The following LINGO2 variants were observed in gnomAD, a reference collection of about 807,000 sequenced individuals.
LINGO2 encodes the protein leucine rich repeat and Ig domain containing 2, also known as leucine-rich repeat and immunoglobulin-like domain-containing nogo receptor-interacting protein 2.
Under a neutral mutation model 30.6 loss-of-function variants are expected in LINGO2, and 14 were observed. The observed-to-expected ratio is 0.46, with a 90% CI of 0.30 to 0.72. The LOEUF (loss-of-function observed/expected upper bound fraction) is 0.72, where lower values mean the gene tolerates loss of function less well. Ranked by LOEUF, LINGO2 falls within the 30% of genes least tolerant of loss-of-function variation. The probability of loss-of-function intolerance (pLI) is 0.07; values close to 1 mark genes in which losing one functional copy is unlikely to be tolerated. For synonymous variants in LINGO2, 317 were observed against 288.5 expected (o/e 1.10, Z -1.00); for missense variants, 729 against 751.7 (o/e 0.97, Z 0.35).
At chr9:28,524,395 A>G (rs1203577691) in intron 1 of LINGO2, among the ~76,000 whole-genome samples, 1 of 152,212 alleles carries the variant, frequency 6.6e-6, no homozygotes, top group African/African-American at 2.4e-5. Context: ...ACACATAATA[A>G]AAGAGATTAG....
chr9:28,146,914 G>A (rs1827830887), intron 4 of LINGO2, among the ~76,000 whole-genome samples: 1 of 152,110 alleles, frequency 6.6e-6, no homozygotes, highest in African/African-American at 2.4e-5. Context: ...ATAATCCACT[G>A]GCAAATTTCT....
chr9:28,455,299 A>G (rs1824804007), intron 2 of LINGO2, among the ~76,000 whole-genome samples: 1 of 152,062 alleles, frequency 6.6e-6, no homozygotes, highest in Non-Finnish European at 1.5e-5. Context: ...ATTAAAATAG[A>G]TATATCTTTG....
the LINGO2 span, among the ~76,000 whole-genome samples, chr9:29,184,436 C>G: frequency 6.6e-6 from 1 of 151,772 alleles, no homozygotes; most frequent in Non-Finnish European, 1.5e-5. Context: ...ACATTAAATT[C>G]ATGTTCTATA....
intron 5 of LINGO2, among the ~76,000 whole-genome samples, chr9:27,985,071 T>A (rs573056297): frequency 6.6e-6 from 1 of 151,986 alleles, no homozygotes; most frequent in East Asian, 1.9e-4. Flanking sequence ...GTTTAACAGT[T>A]TAGGTGTGAT....
chr9:29,116,787 G>T, the LINGO2 span, among the ~76,000 whole-genome samples: 8 of 151,990 alleles, frequency 5.3e-5, no homozygotes. Flanking sequence ...TTCATTTGCA[G>T]CACATCGTTA....
intron 4 of LINGO2, among the ~76,000 whole-genome samples, chr9:28,047,926 A>T (rs1201739938): frequency 1.3e-5 from 2 of 150,920 alleles, no homozygotes; most frequent in African/African-American, 4.9e-5. Context: ...TGCAACTTCA[A>T]AGTAGCAATG....
chr9:28,638,935 C>T (rs1352611397), intron 1 of LINGO2, among the ~76,000 whole-genome samples: 1 of 152,006 alleles, frequency 6.6e-6, no homozygotes, highest in Non-Finnish European at 1.5e-5. Flanking sequence ...TAGCTCTTTC[C>T]TGCTTTCTCT....
chr9:28,328,733 A>T (rs1825316972), intron 3 of LINGO2, among the ~76,000 whole-genome samples: 1 of 152,172 alleles, frequency 6.6e-6, no homozygotes, highest in South Asian at 2.1e-4. Flanking sequence ...ATGTACATAA[A>T]AATATGTATA....
Position 27,965,555 on chromosome 9 carries a change from C to T in LINGO2, c.-35-14849G>A, listed in dbSNP as rs553696106. ...AACATGAATTCATCTTGTATTCCAG[C>T]GACTAGTGAACAATTAGCAAAGCTT... is the stretch of plus-strand genomic sequence containing the variant. On this transcript the variant is annotated intron_variant, in intron 5 of 5. Coordinates refer to ENST00000379992, the Ensembl canonical transcript of LINGO2. Among the ~76,000 whole-genome samples, 147 of 152,116 alleles carry T rather than the reference C, an allele frequency of 9.7e-4. 1 individual carries two copies. In the South Asian group the frequency reaches 0.029, roughly 30 times the overall value.
At chr9:29,064,363 C>T in the LINGO2 span, among the ~76,000 whole-genome samples, 1 of 151,888 alleles carries the variant, frequency 6.6e-6, no homozygotes. Flanking sequence ...AATATCAACA[C>T]TATTTGTTAT....
chr9:28,614,109 T>G (rs1826035897), intron 1 of LINGO2, among the ~76,000 whole-genome samples: 1 of 152,138 alleles, frequency 6.6e-6, no homozygotes, highest in African/African-American at 2.4e-5. Context: ...TGATCATTAT[T>G]TCAAATTTGG....
In LINGO2 at chr9:28,415,839, TA is replaced by T. The variant is rs1396551731; in HGVS notation, c.-278-42972del. ...ATAGTGGCTGGCACATAGTAAGTGC[TA>T]AAAAAAGTTACATAAATGCATGGAT... On this transcript the variant is annotated intron_variant, in intron 2 of 5. Coordinates refer to ENST00000379992, the Ensembl canonical transcript of LINGO2. Among the ~76,000 whole-genome samples, 6 of 152,272 alleles carry T rather than the reference TA, an allele frequency of 3.9e-5. No individual in the cohort carries two copies. The South Asian group carries it at 1.0e-3, about 26-fold the overall frequency.
At chr9:28,561,078 A>G (rs1823030600) in intron 1 of LINGO2, among the ~76,000 whole-genome samples, 1 of 152,100 alleles carries the variant, frequency 6.6e-6, no homozygotes, top group Non-Finnish European at 1.5e-5. Flanking sequence ...TGTTGAAATT[A>G]AAGTGGCAAG....
the LINGO2 span, among the ~76,000 whole-genome samples, chr9:28,861,466 G>T: frequency 1.4e-5 from 2 of 146,800 alleles, no homozygotes; most frequent in Non-Finnish European, 3.0e-5. Context: ...CAGAAATTAG[G>T]GAAGCTTGAT....
At chr9:28,692,987 T>G in the LINGO2 span, among the ~76,000 whole-genome samples, 1 of 152,126 alleles carries the variant, frequency 6.6e-6, no homozygotes, top group Non-Finnish European at 1.5e-5. Flanking sequence ...TAATAATTAT[T>G]TTTTGATGAC....
intron 4 of LINGO2, among the ~76,000 whole-genome samples, chr9:28,041,772 C>A (rs1011320744): frequency 7.2e-5 from 11 of 152,156 alleles, no homozygotes; most frequent in African/African-American, 2.7e-4. Context: ...CATATATTTT[C>A]CTTTTCCATG....
chr9:28,491,323 G>C lies in LINGO2; in HGVS notation c.-364-15298C>G, dbSNP rs79590346. Among the ~76,000 whole-genome samples, 129 of 152,274 alleles carry C rather than the reference G, an allele frequency of 8.5e-4. 1 individual carries two copies. In the East Asian group the frequency reaches 0.023, roughly 28 times the overall value. ...TTGTGGCCACATCACTCCAATCCCT[G>C]TGTCTGTGATCACATTGCCTTCTTA... On this transcript the variant is annotated intron_variant, in intron 1 of 5. Transcript: ENST00000379992.
At chr9:29,036,688 C>G in the LINGO2 span, among the ~76,000 whole-genome samples, 6 of 151,966 alleles carry the variant, frequency 3.9e-5, no homozygotes, top group Admixed American at 3.3e-4. Flanking sequence ...CTCATTCCAT[C>G]TATCAGAAAA....
chr9:28,922,433 T>A, the LINGO2 span, among the ~76,000 whole-genome samples: 1 of 152,166 alleles, frequency 6.6e-6, no homozygotes, highest in Admixed American at 6.5e-5. Flanking sequence ...TAAGTTTCAA[T>A]GAGTTATTTA....
Sources: gnomAD v4.1 joint callset for allele counts (sites outside exome capture counted in the v4.1 genomes callset) on GRCh38, gnomAD v4.1.1 for gene constraint, MANE v1.5 for transcripts, NCBI Gene and HGNC (gene_info 2026-07-23, HGNC 2026-07-21) for gene names.